The following WDPCP variants were observed in gnomAD, a reference collection of about 807,000 sequenced individuals.
WDPCP encodes the protein WD repeat-containing and planar cell polarity effector protein fritz homolog.
Under a neutral mutation model 93.1 loss-of-function variants are expected in WDPCP, and 71 were observed. The ratio of observed to expected loss-of-function variants is 0.76; its 90% CI spans 0.63 to 0.93. The LOEUF (loss-of-function observed/expected upper bound fraction) is 0.93. Among genes scored for constraint, WDPCP ranks in the 40% least tolerant of loss-of-function variants. The pLI is 0.00. For missense variants in WDPCP, 844 were observed against 887.4 expected (o/e 0.95, Z 0.62); for synonymous variants, 315 against 315.0 (o/e 1.00, Z 0.00).
intron 1 of WDPCP, among the ~76,000 whole-genome samples, chr2:63,511,631 A>G (rs1702238039): frequency 6.6e-6 from 1 of 152,214 alleles, no homozygotes; most frequent in Non-Finnish European, 1.5e-5. Flanking sequence ...AAACCTGACA[A>G]AAACAAGCAA....
At chr2:63,541,566 T>C (rs1265676617) in intron 1 of WDPCP, among the ~76,000 whole-genome samples, 1 of 152,182 alleles carries the variant, frequency 6.6e-6, no homozygotes, top group East Asian at 1.9e-4. Flanking sequence ...TTGAAGTATA[T>C]AGCAAATGTT....
At chr2:63,184,980 T>G (rs1358649335) in intron 14 of WDPCP, among the ~76,000 whole-genome samples, 1 of 152,230 alleles carries the variant, frequency 6.6e-6, no homozygotes. Flanking sequence ...TCTTCTGCTT[T>G]ATCTAGTCAG....
In WDPCP at chr2:63,588,464, C is replaced by G. The variant is rs961435810; in HGVS notation, c.-193G>C. On this transcript the variant is annotated 5_prime_UTR_variant, in exon 1 of 18. Coordinates refer to ENST00000272321, the MANE Select transcript of WDPCP (RefSeq NM_015910.7). ...TTAGCAACCTGAGAAGCTGTCCGGTCGTCCCAACTTATCAATTCCCCCGCC... is the reference window on the plus strand; with the variant it reads ...TTAGCAACCTGAGAAGCTGTCCGGTGGTCCCAACTTATCAATTCCCCCGCC... 7 of 680,712 alleles carry G rather than the reference C, an allele frequency of 1.0e-5. No homozygotes were observed. Among genetic ancestry groups the G allele is most frequent in the African/African-American group, 3.6e-5 (2 of 56,090 alleles). The allele number at this position is 680,712 out of a possible 1,614,324, so 42.2% of individuals were successfully genotyped here.
chr2:63,365,539 C>A (rs888097547), intron 12 of WDPCP, among the ~76,000 whole-genome samples: 1 of 152,090 alleles, frequency 6.6e-6, no homozygotes, highest in Non-Finnish European at 1.5e-5. Flanking sequence ...AGACTAGGAC[C>A]TAAAACCATA....
chr2:63,579,505 G>A (rs1708349333), intron 1 of WDPCP, among the ~76,000 whole-genome samples: 1 of 152,152 alleles, frequency 6.6e-6, no homozygotes, highest in African/African-American at 2.4e-5. Flanking sequence ...AGCTACTCAG[G>A]AGGCTGAGGC....
chr2:63,571,284 A>T (rs1273149508), intron 1 of WDPCP: 2 of 429,752 alleles, frequency 4.7e-6, no homozygotes, highest in Middle Eastern at 3.4e-4. Flanking sequence ...ATATTTACAT[A>T]TGCCACAAAC....
chr2:63,422,211 A>G (rs1384547869), intron 9 of WDPCP, among the ~76,000 whole-genome samples: 1 of 152,192 alleles, frequency 6.6e-6, no homozygotes, highest in African/African-American at 2.4e-5. Context: ...ATAAACAAGG[A>G]ATATACTATC....
intron 12 of WDPCP, among the ~76,000 whole-genome samples, chr2:63,367,528 A>G (rs1018388998): frequency 6.6e-6 from 1 of 152,142 alleles, no homozygotes; most frequent in South Asian, 2.1e-4. Flanking sequence ...TTATTGCAGC[A>G]CTGTTTATAG....
At chr2:63,738,311 G>T (rs1240592887) in intron 2 of WDPCP, among the ~76,000 whole-genome samples, 7 of 147,854 alleles carry the variant, frequency 4.7e-5, no homozygotes, top group African/African-American at 1.7e-4. Flanking sequence ...TATTTCACTT[G>T]TAATACGTGG....
intron 14 of WDPCP, among the ~76,000 whole-genome samples, chr2:63,183,985 T>C (rs1674440505): frequency 6.6e-6 from 1 of 152,148 alleles, no homozygotes; most frequent in South Asian, 2.1e-4. Flanking sequence ...GATCTGTTTC[T>C]AGTCCTTTAC....
At chr2:63,606,514 G>C (rs960238328) in intron 3 of WDPCP, among the ~76,000 whole-genome samples, 1 of 152,164 alleles carries the variant, frequency 6.6e-6, no homozygotes. Flanking sequence ...AATCTGGAAA[G>C]GAAGATTCAG....
intron 13 of WDPCP, among the ~76,000 whole-genome samples, chr2:63,269,327 C>T (rs917909456): frequency 6.6e-6 from 1 of 152,136 alleles, no homozygotes; most frequent in Non-Finnish European, 1.5e-5. Context: ...ATATTAGCAT[C>T]ATCATTTAGC....
chr2:63,805,808 C>T (rs1270298244), intron 2 of WDPCP, among the ~76,000 whole-genome samples: 1 of 152,180 alleles, frequency 6.6e-6, no homozygotes, highest in Admixed American at 6.5e-5. Context: ...TGTTTGTCCC[C>T]TCCAAATCTC....
At chr2:63,471,824 A>G (rs1162602977) in intron 6 of WDPCP, among the ~76,000 whole-genome samples, 3 of 152,136 alleles carry the variant, frequency 2.0e-5, no homozygotes, top group African/African-American at 7.2e-5. Flanking sequence ...TGTTTACTCT[A>G]TGGCTTTAGG....
rs558114542 is a variant in WDPCP, at chr2:63,488,438, C to G, written c.161-944G>C. ...TCAATTGCGTGTACTTGTTAAAGCT[C>G]TATTTTATTCATCATGCCATTAGTA... On this transcript the variant is annotated intron_variant, in intron 2 of 17. Transcript: ENST00000272321. Among the ~76,000 whole-genome samples, 3 of 152,152 alleles carry G rather than the reference C, an allele frequency of 2.0e-5. No individual in the cohort carries two copies. The East Asian group carries it at 5.8e-4, about 29-fold the overall frequency.
chr2:63,330,059 G>C (rs574738877), intron 12 of WDPCP, among the ~76,000 whole-genome samples: 53 of 152,260 alleles, frequency 3.5e-4, no homozygotes, highest in African/African-American at 1.2e-3. Flanking sequence ...CATGAGTATA[G>C]ATGTCTCTTC....
intron 1 of WDPCP, among the ~76,000 whole-genome samples, chr2:63,584,009 A>T (rs1708673807): frequency 6.6e-6 from 1 of 152,060 alleles, no homozygotes; most frequent in South Asian, 2.1e-4. Context: ...AAAAAATAAA[A>T]CCAGGCTATG....
At chr2:63,499,627 A>G (rs534674131) in intron 1 of WDPCP, among the ~76,000 whole-genome samples, 2 of 152,226 alleles carry the variant, frequency 1.3e-5, no homozygotes, top group Non-Finnish European at 2.9e-5. Flanking sequence ...CAGCTGGAAT[A>G]TAACAAAAGA....
intron 3 of WDPCP, chr2:63,622,092 G>GTGTTT: frequency 2.5e-6 from 1 of 394,624 alleles, no homozygotes; most frequent in Non-Finnish European, 3.5e-6. Context: ...TTTGGAAGTT[G>GTGTTT]ATTTTTAATG....
Sources: gnomAD v4.1 joint callset for allele counts (sites outside exome capture counted in the v4.1 genomes callset) on GRCh38, gnomAD v4.1.1 for gene constraint, MANE v1.5 for transcripts, NCBI Gene and HGNC (gene_info 2026-07-23, HGNC 2026-07-21) for gene names.